Variants in ZNF883 observed in about 807,000 individuals in gnomAD.
ZNF883 encodes zinc finger protein 883.
chr9:113,001,817 T>C (rs1828428754), upstream of ZNF883, among the ~76,000 whole-genome samples: 1 of 152,218 alleles, frequency 6.6e-6, no homozygotes, highest in South Asian at 2.1e-4. Context: ...TAGAGAAATG[T>C]TGATACTTCT....
At chr9:112,991,422 A>G (rs767831113) in intron 1 of ZNF883, among the ~76,000 whole-genome samples, 2 of 151,992 alleles carry the variant, frequency 1.3e-5, no homozygotes, top group Non-Finnish European at 2.9e-5. Flanking sequence ...CTTGTGTTCT[A>G]ATTTGATTGT....
At chr9:112,990,843 G>T (rs959384057) in intron 1 of ZNF883, among the ~76,000 whole-genome samples, 3 of 152,122 alleles carry the variant, frequency 2.0e-5, no homozygotes, top group African/African-American at 4.8e-5. Context: ...AGTCTTGGGA[G>T]GGTGTATGTG....
At chr9:112,996,789 TCAAAAAAAAAAA>T (rs1272151572), downstream of ZNF883, among the ~76,000 whole-genome samples, 20 of 28,298 alleles carry the variant, frequency 7.1e-4, 1 homozygote, top group East Asian at 0.012. Context: ...AGACTCCGTC[TCAAAAAAAAAAA>T]AAAAAAAAAA....
chr9:112,997,283 C>T (rs1417650805), exon 1 of ZNF883: 1 of 1,614,072 alleles, frequency 6.2e-7, no homozygotes, highest in Non-Finnish European at 8.5e-7. Flanking sequence ...GGATTTCCCA[C>T]ATTCATTACA....
exon 1 of ZNF883, chr9:112,997,559 T>TC: frequency 6.2e-7 from 1 of 1,614,200 alleles, no homozygotes; most frequent in East Asian, 2.2e-5. Context: ...ATAGGGTTTT[T>TC]CTCCAGTATG....
intron 1 of ZNF883, among the ~76,000 whole-genome samples, chr9:112,990,754 T>A (rs2104389): frequency 2.6e-5 from 4 of 151,748 alleles, no homozygotes; most frequent in Admixed American, 2.6e-4. Flanking sequence ...GGGCTTTTTT[T>A]TTGTTGTTGT....
chr9:113,008,940 G>A (rs1259984619), intron 2 of ZNF883, among the ~76,000 whole-genome samples: 2 of 152,142 alleles, frequency 1.3e-5, no homozygotes, highest in East Asian at 1.9e-4. Context: ...AAGCATGAGA[G>A]TGGAGATGGG....
chr9:112,988,624 A>G (rs1191973130), intron 1 of ZNF883, among the ~76,000 whole-genome samples: 1 of 152,210 alleles, frequency 6.6e-6, no homozygotes, highest in Non-Finnish European at 1.5e-5. Flanking sequence ...ATACGTGTGC[A>G]TGTATCTTCA....
chr9:113,011,737 A>G (rs2118633808), intron 1 of ZNF883, among the ~76,000 whole-genome samples: 1 of 152,256 alleles, frequency 6.6e-6, no homozygotes, highest in South Asian at 2.1e-4. Flanking sequence ...TACGTATATC[A>G]CGGTTTTCTT....
downstream of ZNF883, among the ~76,000 whole-genome samples, chr9:112,995,016 G>C (rs1478389306): frequency 6.6e-6 from 1 of 152,038 alleles, no homozygotes; most frequent in East Asian, 1.9e-4. Flanking sequence ...AGCCCATCAT[G>C]GTTAATTTTA....
intron 2 of ZNF883, among the ~76,000 whole-genome samples, chr9:113,006,613 A>G (rs1037768008): frequency 1.3e-5 from 2 of 152,122 alleles, no homozygotes; most frequent in Non-Finnish European, 1.5e-5. Context: ...TAAACCTGCT[A>G]TCTTAAAGAA....
At chr9:112,998,330 T>A (rs11971), upstream of ZNF883, 322,028 of 1,227,790 alleles carry the variant, frequency 0.26, 49,025 homozygotes, top group African/African-American at 0.64. Context: ...TGTTGGCTTT[T>A]CATTTATTTC....
chr9:112,989,199 G>C (rs146990430), intron 1 of ZNF883, among the ~76,000 whole-genome samples: 1,978 of 152,154 alleles, frequency 0.013, 33 homozygotes, highest in African/African-American at 0.033. Context: ...ATGAAATCTT[G>C]CCTGTGCCTA....
chr9:113,004,295 AAAT>A (rs1473971595), intron 2 of ZNF883, among the ~76,000 whole-genome samples: 1 of 152,224 alleles, frequency 6.6e-6, no homozygotes, highest in Non-Finnish European at 1.5e-5. Context: ...GTGAGATAAT[AAAT>A]TTATATTGTT....
At chr9:112,996,790 C>CAAAAAAAA (rs61714600), downstream of ZNF883, among the ~76,000 whole-genome samples, 4 of 52,102 alleles carry the variant, frequency 7.7e-5, no homozygotes, top group African/African-American at 2.1e-4. Flanking sequence ...GACTCCGTCT[C>CAAAAAAAA]AAAAAAAAAA....
intron 1 of ZNF883, 120 bp from the exon 2 acceptor site, chr9:113,011,347 T>C (rs918312692): frequency 6.6e-6 from 1 of 152,192 alleles, no homozygotes; most frequent in African/African-American, 2.4e-5. Flanking sequence ...AACAGATTCT[T>C]TCCCTGCAGA....
At chr9:113,008,646 A>T (rs1564335139) in intron 2 of ZNF883, among the ~76,000 whole-genome samples, 1 of 152,184 alleles carries the variant, frequency 6.6e-6, no homozygotes, top group Admixed American at 6.5e-5. Context: ...TTATGTCTAT[A>T]TAGCTAAATA....
chr9:113,002,430 A>G (rs1378412864), upstream of ZNF883, among the ~76,000 whole-genome samples: 1 of 152,144 alleles, frequency 6.6e-6, no homozygotes, highest in Non-Finnish European at 1.5e-5. Context: ...CTACATAAAT[A>G]CTAAAAAAAT....
At chr9:113,004,076 C>T (rs1052913315) in intron 2 of ZNF883, among the ~76,000 whole-genome samples, 6 of 152,108 alleles carry the variant, frequency 3.9e-5, no homozygotes, top group African/African-American at 1.2e-4. Flanking sequence ...TTTAAGAAGA[C>T]GGTCACGGGA....
Sources: allele counts gnomAD v4.1 joint callset (sites outside exome capture counted in the v4.1 genomes callset), GRCh38; gene constraint gnomAD v4.1.1; transcripts MANE v1.5; gene names NCBI Gene and HGNC (gene_info 2026-07-23, HGNC 2026-07-21).